The following CDK14 variants were observed in gnomAD, a reference collection of about 807,000 sequenced individuals.
CDK14 encodes cyclin dependent kinase 14.
A neutral mutation model predicts 60.7 loss-of-function variants in CDK14; 34 were observed. The observed-to-expected ratio is 0.56, with a 90% CI of 0.43 to 0.75. The LOEUF (loss-of-function observed/expected upper bound fraction) is 0.75. Ranked by LOEUF, CDK14 falls within the 30% of genes least tolerant of loss-of-function variation. The pLI is 0.00. For synonymous variants in CDK14, 197 were observed against 203.7 expected, an observed-to-expected ratio of 0.97 and a Z score of 0.28; for missense variants, 482 against 564.1, an observed-to-expected ratio of 0.85 and a Z score of 1.47.
Position 90,848,909 on chromosome 7 carries a change from T to A in CDK14, c.545-14266T>A, listed in dbSNP as rs187986262. ...ATTTTTGCCTATTCGTTGGCTGAAA[T>A]TACGACCATCCACAAATACCTTCTT... is the stretch of plus-strand genomic sequence containing the variant. On this transcript the variant is annotated intron_variant, in intron 5 of 14. Coordinates refer to ENST00000380050, the MANE Select transcript of CDK14 (RefSeq NM_001287135.2). Among the ~76,000 whole-genome samples the A allele has an allele frequency of 5.3e-5, 8 of 152,338 alleles. No individual in the cohort carries two copies. The East Asian group carries it at 1.3e-3, about 26-fold the overall frequency.
chr7:91,147,818 A>G (rs1800705067), intron 14 of CDK14, among the ~76,000 whole-genome samples: 1 of 152,116 alleles, frequency 6.6e-6, no homozygotes, highest in Admixed American at 6.6e-5. Flanking sequence ...ACCCTTTGGT[A>G]TGATAATACT....
chr7:90,982,360 G>T (rs990981005), intron 9 of CDK14, among the ~76,000 whole-genome samples: 1 of 152,156 alleles, frequency 6.6e-6, no homozygotes. Flanking sequence ...GAGCCAAATG[G>T]TACAGTTTTA....
intron 7 of CDK14, among the ~76,000 whole-genome samples, chr7:90,902,459 A>G (rs1004800684): frequency 6.6e-6 from 1 of 152,168 alleles, no homozygotes; most frequent in Non-Finnish European, 1.5e-5. Flanking sequence ...CTGCATACCT[A>G]TAGTCAACTG....
chr7:91,065,280 T>C (rs112597156), intron 11 of CDK14, among the ~76,000 whole-genome samples: 2 of 152,204 alleles, frequency 1.3e-5, no homozygotes, highest in East Asian at 1.9e-4. Context: ...CTGTTCAGCA[T>C]TGATGTGTTA....
In CDK14 at chr7:90,596,653, C is replaced by A; in HGVS notation, c.26C>A (p.Pro9Gln). Residue 9 changes from proline to glutamine, a missense_variant, in exon 1 of 15, where the codon CCG becomes CAG. Physicochemically the swap from Pro to Gln is moderately conservative, Grantham distance 76. Transcript: ENST00000380050. ...ATGTGTGACCTCATTGAGCCGCAGC[C>A]GGCCGAGAAGATCGGCAAGATGAAG... Reference protein sequence around the residue: MCDLIEPQPAEKIGKMKKL... With the variant: MCDLIEPQQAEKIGKMKKL... 4.3e-6 allele frequency: 7 copies of A among 1,612,256 alleles called. No homozygotes were observed. The highest frequency in any genetic ancestry group is 5.9e-6 in the Non-Finnish European group (7 of 1,179,480).
At chr7:90,980,399 TA>T (rs1449763746) in intron 9 of CDK14, among the ~76,000 whole-genome samples, 1 of 152,124 alleles carries the variant, frequency 6.6e-6, no homozygotes, top group African/African-American at 2.4e-5. Context: ...TCATAAATTA[TA>T]GTGCTTAAGC....
intron 2 of CDK14, among the ~76,000 whole-genome samples, chr7:90,625,671 A>T (rs955853855): frequency 2.0e-5 from 3 of 152,172 alleles, no homozygotes; most frequent in Non-Finnish European, 4.4e-5. Context: ...TTTGTGATAA[A>T]AGCCAGCTGC....
At chr7:90,640,166 A>G (rs1025070661) in intron 2 of CDK14, among the ~76,000 whole-genome samples, 63 of 151,536 alleles carry the variant, frequency 4.2e-4, no homozygotes, top group Non-Finnish European at 7.5e-4. Context: ...ATTGATATGA[A>G]CCCGGTACCT....
At chr7:90,971,190 G>T (rs1371014595) in intron 9 of CDK14, among the ~76,000 whole-genome samples, 4 of 142,496 alleles carry the variant, frequency 2.8e-5, no homozygotes, top group Non-Finnish European at 4.5e-5. Context: ...GATAGTTATT[G>T]AACACCTATT....
At chr7:90,678,628 G>A (rs1042947792) in intron 2 of CDK14, among the ~76,000 whole-genome samples, 3 of 151,802 alleles carry the variant, frequency 2.0e-5, no homozygotes, top group African/African-American at 4.8e-5. Context: ...GAGAAGCCTC[G>A]GTGCATAACC....
At chr7:90,677,847 G>A (rs1801232603) in intron 2 of CDK14, among the ~76,000 whole-genome samples, 1 of 152,120 alleles carries the variant, frequency 6.6e-6, no homozygotes, top group Non-Finnish European at 1.5e-5. Flanking sequence ...CAATTGTCAG[G>A]TCTCTGTGAT....
chr7:90,641,409 G>A (rs1283412029), intron 2 of CDK14, among the ~76,000 whole-genome samples: 1 of 152,110 alleles, frequency 6.6e-6, no homozygotes, highest in Non-Finnish European at 1.5e-5. Context: ...ATAAAGTGCA[G>A]CATATCTATA....
intron 12 of CDK14, among the ~76,000 whole-genome samples, chr7:91,096,170 T>C (rs550571670): frequency 6.6e-6 from 1 of 151,490 alleles, no homozygotes; most frequent in South Asian, 2.1e-4. Flanking sequence ...CTTCACACCG[T>C]TCTCTCTTCA....
chr7:90,952,681 C>T (rs1389746075), intron 8 of CDK14, among the ~76,000 whole-genome samples: 1 of 152,176 alleles, frequency 6.6e-6, no homozygotes, highest in Non-Finnish European at 1.5e-5. Flanking sequence ...TTAAATCAAA[C>T]TAAACATTAA....
chr7:90,845,850 C>T (rs1435487339), intron 5 of CDK14, among the ~76,000 whole-genome samples: 1 of 152,036 alleles, frequency 6.6e-6, no homozygotes, highest in Non-Finnish European at 1.5e-5. Context: ...AGTTTCTAGC[C>T]ATTAATAGCT....
chr7:91,095,488 C>G (rs1798956459), intron 12 of CDK14, among the ~76,000 whole-genome samples: 1 of 152,114 alleles, frequency 6.6e-6, no homozygotes, highest in African/African-American at 2.4e-5. Context: ...GTATTTCTCC[C>G]AAGGAAATAG....
At chr7:90,633,624 T>C (rs1390503895) in intron 2 of CDK14, among the ~76,000 whole-genome samples, 1 of 152,240 alleles carries the variant, frequency 6.6e-6, no homozygotes, top group African/African-American at 2.4e-5. Flanking sequence ...TGTTCAGTGT[T>C]CCTTGAGCGA....
chr7:90,814,861 T>C (rs1022712286), intron 5 of CDK14, among the ~76,000 whole-genome samples: 1 of 152,226 alleles, frequency 6.6e-6, no homozygotes. Context: ...ACTTTTATGA[T>C]TCCATAGTGG....
chr7:90,990,006 A>C (rs1459362905), intron 10 of CDK14, among the ~76,000 whole-genome samples: 1 of 152,210 alleles, frequency 6.6e-6, no homozygotes, highest in East Asian at 1.9e-4. Context: ...AGTGGGTGGA[A>C]GGTGAGGTTG....
Sources: gnomAD v4.1 joint callset for allele counts (sites outside exome capture counted in the v4.1 genomes callset) on GRCh38, gnomAD v4.1.1 for gene constraint, MANE v1.5 for transcripts, NCBI Gene and HGNC (gene_info 2026-07-23, HGNC 2026-07-21) for gene names.